The following TRERF1 variants were observed in gnomAD, a reference collection of about 807,000 sequenced individuals.
TRERF1 encodes the protein transcriptional regulating factor 1, also known as transcriptional-regulating factor 1.
TRERF1 carries 27 observed loss-of-function variants against 122.9 expected under a neutral mutation model. The ratio of observed to expected loss-of-function variants is 0.22; its 90% CI spans 0.16 to 0.30. The LOEUF is 0.30. Ranked by LOEUF, TRERF1 falls within the 10% of genes least tolerant of loss-of-function variation. The pLI is 1.00. For synonymous variants in TRERF1, 636 were observed against 641.7 expected, an observed-to-expected ratio of 0.99 and a Z score of 0.13; for missense variants, 1,248 against 1,560.3, an observed-to-expected ratio of 0.80 and a Z score of 3.37.
At chr6:42,368,034 T>C (rs998520403) in intron 2 of TRERF1, among the ~76,000 whole-genome samples, 4 of 152,038 alleles carry the variant, frequency 2.6e-5, no homozygotes, top group African/African-American at 9.7e-5. Flanking sequence ...GCTCGATAAC[T>C]TCAGTTCACT....
At chr6:42,270,708 G>A (rs928535534) in intron 4 of TRERF1, among the ~76,000 whole-genome samples, 3 of 151,412 alleles carry the variant, frequency 2.0e-5, no homozygotes, top group African/African-American at 7.3e-5. Flanking sequence ...AGACTGAGGC[G>A]AGGATTACTT....
intron 3 of TRERF1, among the ~76,000 whole-genome samples, chr6:42,311,075 T>C (rs1466325419): frequency 2.6e-5 from 4 of 152,206 alleles, no homozygotes; most frequent in Non-Finnish European, 4.4e-5. Flanking sequence ...CTACTATATG[T>C]TGGGTACTCT....
intron 2 of TRERF1, among the ~76,000 whole-genome samples, chr6:42,406,943 C>T (rs1012389113): frequency 3.9e-5 from 6 of 152,170 alleles, no homozygotes; most frequent in Non-Finnish European, 7.4e-5. Flanking sequence ...AACATTTAAG[C>T]ATTACATCTT....
At chr6:42,299,200 TTCTATCTATCTATCTA>T (rs70987591) in intron 4 of TRERF1, among the ~76,000 whole-genome samples, 8 of 146,712 alleles carry the variant, frequency 5.5e-5, no homozygotes, top group South Asian at 2.2e-4. Flanking sequence ...GTCTGTTTTT[TTCTATCTATCTATCTA>T]TCTATCTATC....
chr6:42,402,823 T>G (rs1409717246), intron 2 of TRERF1, among the ~76,000 whole-genome samples: 4 of 152,158 alleles, frequency 2.6e-5, no homozygotes, highest in Non-Finnish European at 5.9e-5. Flanking sequence ...TTTACATACC[T>G]TTTCTCATTT....
chr6:42,243,430 A>G (rs925070798), intron 14 of TRERF1, 69 bp from the exon 15 acceptor site: 18 of 1,139,570 alleles, frequency 1.6e-5, no homozygotes, highest in Middle Eastern at 4.0e-4. Context: ...AGCATTTTTG[A>G]ATATTTAATT....
chr6:42,232,844 C>G lies in TRERF1; in HGVS notation c.3115G>C (p.Gly1039Arg). 6.2e-7 allele frequency: 1 copy of G among 1,611,392 alleles called. No homozygotes were observed. Among genetic ancestry groups the G allele is most frequent in the Non-Finnish European group, 8.5e-7 (1 of 1,178,902 alleles). ...CGGGCCTTGGTCACCTGGTTGGTGC[C>G]CCCGTGGATGCGGGCATGGCCATTC... is the stretch of plus-strand genomic sequence containing the variant. Residue 1039 changes from glycine (G) to arginine (R), a missense_variant, in exon 17 of 18, where the codon GGC becomes CGC. Coordinates refer to ENST00000372922, the Ensembl canonical transcript of TRERF1. This position sits in a 1 kb window ranked among gnomAD's most constrained non-coding sequence, Gnocchi z 4.5.
intron 2 of TRERF1, among the ~76,000 whole-genome samples, chr6:42,424,818 C>T (rs200330148): frequency 6.6e-6 from 1 of 152,226 alleles, no homozygotes; most frequent in African/African-American, 2.4e-5. Flanking sequence ...TAACTCCGTA[C>T]ACTTTTCTTT....
At chr6:42,309,710 A>G (rs1005922252) in intron 3 of TRERF1, among the ~76,000 whole-genome samples, 4 of 152,234 alleles carry the variant, frequency 2.6e-5, no homozygotes, top group African/African-American at 9.6e-5. Context: ...CCAATATGGC[A>G]GCTACTAGCC....
chr6:42,278,518 C>T (rs147683332), intron 4 of TRERF1, among the ~76,000 whole-genome samples: 44 of 152,260 alleles, frequency 2.9e-4, no homozygotes, highest in Non-Finnish European at 5.3e-4. Context: ...CCACACTTAC[C>T]GCACCTTTCA....
intron 2 of TRERF1, among the ~76,000 whole-genome samples, chr6:42,408,227 A>ATATATATATATATATATGTG (rs150915297): frequency 8.6e-6 from 1 of 116,704 alleles, no homozygotes; most frequent in Non-Finnish European, 1.7e-5. Flanking sequence ...ATATATATAT[A>ATATATATATATATATATGTG]TGTGTGTGTG....
At chr6:42,411,110 G>T (rs924720083) in intron 2 of TRERF1, among the ~76,000 whole-genome samples, 1 of 152,160 alleles carries the variant, frequency 6.6e-6, no homozygotes, top group African/African-American at 2.4e-5. Flanking sequence ...GCAACCCTCT[G>T]CAACTCAGGC....
intron 3 of TRERF1, among the ~76,000 whole-genome samples, chr6:42,312,722 G>A (rs961305672): frequency 1.3e-5 from 2 of 152,124 alleles, no homozygotes; most frequent in Non-Finnish European, 2.9e-5. Context: ...CCATGGAAAG[G>A]GGCTTCCCTT....
At chr6:42,334,299 T>C (rs1765761632) in intron 3 of TRERF1, among the ~76,000 whole-genome samples, 1 of 152,144 alleles carries the variant, frequency 6.6e-6, no homozygotes, top group Admixed American at 6.5e-5. Flanking sequence ...GAGACACTCC[T>C]CCTTCCAGAA....
intron 3 of TRERF1, among the ~76,000 whole-genome samples, chr6:42,338,441 TA>T (rs1766629080): frequency 1.3e-5 from 2 of 152,304 alleles, no homozygotes; most frequent in South Asian, 2.1e-4. Context: ...AAAATGGTGC[TA>T]AAGAAGTGTC....
chr6:42,299,873 C>T (rs1785842941), intron 4 of TRERF1, among the ~76,000 whole-genome samples: 1 of 152,168 alleles, frequency 6.6e-6, no homozygotes, highest in Non-Finnish European at 1.5e-5. Context: ...CTGTAAATAG[C>T]CACTGAAGAA....
chr6:42,446,657 G>C (rs115478599), intron 2 of TRERF1, among the ~76,000 whole-genome samples: 2,203 of 152,260 alleles, frequency 0.014, 48 homozygotes, highest in African/African-American at 0.05. Context: ...TCCTCAATAA[G>C]AAGCTGCCGC....
At chr6:42,279,758 C>T (rs892487888) in intron 4 of TRERF1, among the ~76,000 whole-genome samples, 6 of 151,926 alleles carry the variant, frequency 3.9e-5, no homozygotes, top group Admixed American at 3.9e-4. Context: ...CTCTCCAGGC[C>T]TGTGTGTGTG....
At chr6:42,360,810 G>A (rs910830118) in intron 3 of TRERF1, among the ~76,000 whole-genome samples, 152 of 145,814 alleles carry the variant, frequency 1.0e-3, no homozygotes, top group African/African-American at 3.7e-3. Flanking sequence ...AAACCTGGAT[G>A]GTTTAGGATA....
Sources: gnomAD v4.1 joint callset for allele counts (sites outside exome capture counted in the v4.1 genomes callset) on GRCh38, gnomAD v4.1.1 for gene constraint, Gnocchi (gnomAD v3.1) non-coding constraint, MANE v1.5 for transcripts, NCBI Gene and HGNC (gene_info 2026-07-23, HGNC 2026-07-21) for gene names.